The following CGGBP1 variants were observed in gnomAD, a reference collection of about 807,000 sequenced individuals.
CGGBP1 encodes the protein CGG triplet repeat-binding protein 1.
Under a neutral mutation model 11.4 loss-of-function variants are expected in CGGBP1, and 4 were observed. The ratio of observed to expected loss-of-function variants is 0.35; its 90% CI spans 0.17 to 0.80. The LOEUF (loss-of-function observed/expected upper bound fraction) is 0.80. Ranked by LOEUF, CGGBP1 falls within the 30% of genes least tolerant of loss-of-function variation. The probability of loss-of-function intolerance (pLI) is 0.52; values close to 1 mark genes in which losing one functional copy is unlikely to be tolerated. For missense variants in CGGBP1, 135 were observed against 202.1 expected (o/e 0.67, Z 2.01); for synonymous variants, 76 against 74.1 (o/e 1.03, Z -0.13).
intron 2 of CGGBP1, chr3:88,126,238 C>A (rs758639245): frequency 1.3e-6 from 2 of 1,524,776 alleles, no homozygotes; most frequent in South Asian, 2.4e-5. Flanking sequence ...TGCAAGCTGT[C>A]CTTAAAGCTC....
chr3:88,139,259 T>TA (rs1371839408), intron 2 of CGGBP1: 1 of 1,533,468 alleles, frequency 6.5e-7, no homozygotes, highest in Non-Finnish European at 8.7e-7. Flanking sequence ...AGAAAAATCT[T>TA]ACAGCTCTCA....
rs1706460542 is a variant in CGGBP1, at chr3:88,052,952, A to G, written c.*2521T>C. 1 of 152,650 alleles carries G rather than the reference A, an allele frequency of 6.6e-6. No homozygotes were observed. Among genetic ancestry groups the G allele is most frequent in the African/African-American group, 2.4e-5 (1 of 41,470 alleles). 9.5% of individuals were successfully genotyped at this position (152,650 alleles called of 1,614,324 possible). A position where few individuals can be genotyped will look rare whatever the true frequency, so the allele number is the denominator to read the frequency against. ...GAAGACATACTATCAATACTTTGAG[A>G]AAACACTATTAACATGTGTTGAAGA... On this transcript the variant is annotated 3_prime_UTR_variant, in exon 4 of 4. Coordinates refer to ENST00000482016, the MANE Select transcript of CGGBP1 (RefSeq NM_001008390.2).
chr3:88,085,434 C>G (rs1708289490), intron 2 of CGGBP1, among the ~76,000 whole-genome samples: 1 of 151,636 alleles, frequency 6.6e-6, no homozygotes, highest in Admixed American at 6.6e-5. Flanking sequence ...GATTTTTTTT[C>G]CAACCACTTA....
intron 2 of CGGBP1, among the ~76,000 whole-genome samples, chr3:88,069,797 A>C (rs1418236955): frequency 6.6e-6 from 1 of 152,236 alleles, no homozygotes; most frequent in Admixed American, 6.5e-5. Flanking sequence ...GGTGACTGCA[A>C]ACCAGTAGAA....
intron 2 of CGGBP1, chr3:88,139,267 T>C: frequency 1.3e-6 from 2 of 1,542,828 alleles, no homozygotes; most frequent in South Asian, 2.6e-5. Flanking sequence ...CTTACAGCTC[T>C]CAGTACTTCC....
intron 1 of CGGBP1, chr3:88,143,557 T>G (rs992043570): frequency 6.6e-6 from 1 of 152,314 alleles, no homozygotes; most frequent in African/African-American, 2.4e-5. Context: ...CTTTGTACAT[T>G]TTCCAGAAGT....
intron 2 of CGGBP1, among the ~76,000 whole-genome samples, chr3:88,109,651 A>C (rs1301830767): frequency 6.6e-6 from 1 of 152,176 alleles, no homozygotes; most frequent in East Asian, 1.9e-4. Context: ...AGACCTGCAC[A>C]GTTTAAATCT....
At chr3:88,071,470 C>G (rs1261286474) in intron 2 of CGGBP1, among the ~76,000 whole-genome samples, 2 of 152,144 alleles carry the variant, frequency 1.3e-5, no homozygotes, top group East Asian at 3.9e-4. Flanking sequence ...CGGTGAAACC[C>G]CATCTCTACT....
intron 2 of CGGBP1, among the ~76,000 whole-genome samples, chr3:88,110,653 C>T (rs1288793521): frequency 6.6e-6 from 1 of 152,048 alleles, no homozygotes; most frequent in African/African-American, 2.4e-5. Flanking sequence ...ATTTTGGACT[C>T]ATTCATTCTG....
chr3:88,149,066 AG>A (rs1286913828), intron 1 of CGGBP1, among the ~76,000 whole-genome samples: 1 of 152,234 alleles, frequency 6.6e-6, no homozygotes, highest in Non-Finnish European at 1.5e-5. Context: ...AAATGGAAAA[AG>A]GCAAGTGACA....
At chr3:88,121,507 T>C (rs1455279887) in intron 2 of CGGBP1, among the ~76,000 whole-genome samples, 5 of 152,100 alleles carry the variant, frequency 3.3e-5, no homozygotes, top group Non-Finnish European at 5.9e-5. Context: ...TTATTTTATA[T>C]GGGCAAGCTC....
intron 2 of CGGBP1, among the ~76,000 whole-genome samples, chr3:88,064,796 G>A (rs1295760990): frequency 3.3e-5 from 5 of 152,148 alleles, no homozygotes; most frequent in Non-Finnish European, 7.3e-5. Context: ...TTTCAAGTAG[G>A]ATCAGACGTA....
chr3:88,092,155 A>G (rs1355437142), intron 2 of CGGBP1, among the ~76,000 whole-genome samples: 7 of 152,178 alleles, frequency 4.6e-5, no homozygotes, highest in Admixed American at 3.9e-4. Context: ...AAAATGGGGA[A>G]ATAGCAACAT....
At chr3:88,093,782 T>C (rs1276895324) in intron 2 of CGGBP1, among the ~76,000 whole-genome samples, 1 of 152,230 alleles carries the variant, frequency 6.6e-6, no homozygotes, top group African/African-American at 2.4e-5. Flanking sequence ...AATTTAAGTC[T>C]AGGCTTTCAA....
Position 88,054,380 on chromosome 3 carries a change from C to A in CGGBP1, c.*1093G>T, listed in dbSNP as rs1706493117. ...GATCTTTAAGAGAACAATTTCCTCA[C>A]CCAAAGTTATGCAGGATACTGCCAG... On this transcript the variant is annotated 3_prime_UTR_variant, in exon 4 of 4. Transcript: ENST00000482016. 6.6e-6 allele frequency: 1 copy of A among 152,132 alleles called. No individual in the cohort carries two copies. Among genetic ancestry groups the A allele is most frequent in the East Asian group, 1.9e-4 (1 of 5,198 alleles). The allele number at this position is 152,132 out of a possible 1,614,324, so 9.4% of individuals were successfully genotyped here.
upstream of CGGBP1, among the ~76,000 whole-genome samples, chr3:88,061,379 C>T (rs986923733): frequency 2.9e-4 from 44 of 152,234 alleles, no homozygotes; most frequent in African/African-American, 9.1e-4. Context: ...TTCGCTACCT[C>T]CTGTATATCC....
chr3:88,139,842 C>T, intron 2 of CGGBP1: 1 of 1,583,012 alleles, frequency 6.3e-7, no homozygotes, highest in South Asian at 1.1e-5. Context: ...TTCAGTAATT[C>T]ATAAAATCAA....
At position 88,055,724 on chromosome 3, in the gene CGGBP1, G is replaced by C; in HGVS notation, c.253C>G (p.Pro85Ala). The C allele has an allele frequency of 6.2e-7, 1 of 1,614,176 alleles. No individual in the cohort carries two copies. The highest frequency in any genetic ancestry group is 2.2e-5 in the East Asian group (1 of 44,880). The change falls in exon 4 of 4, where the codon CCC becomes GCC. Residue 85 changes from proline (P) to alanine (A), a missense_variant. Transcript: ENST00000482016. The surrounding 1 kb of genome is among the most constrained non-coding windows in gnomAD (Gnocchi z 4.2). ...EEQNVRKKQRPLTASLQCNST... is the reference protein window; with the variant it reads ...EEQNVRKKQRALTASLQCNST... The stretch of plus-strand genomic sequence containing the variant: ...TTGCACTGAAGAGATGCAGTTAGGG[G>C]CCTCTGCTTCTTTCTCACATTCTGC...
At chr3:88,094,846 T>C (rs1703967422) in intron 2 of CGGBP1, among the ~76,000 whole-genome samples, 1 of 151,992 alleles carries the variant, frequency 6.6e-6, no homozygotes, top group African/African-American at 2.4e-5. Flanking sequence ...TAGACTACAA[T>C]ATTATACTGG....
Sources: allele counts gnomAD v4.1 joint callset (sites outside exome capture counted in the v4.1 genomes callset), GRCh38; gene constraint gnomAD v4.1.1; non-coding constraint Gnocchi (gnomAD v3.1); transcripts MANE v1.5; gene names NCBI Gene and HGNC (gene_info 2026-07-23, HGNC 2026-07-21).